Variants in INPP5B observed in about 807,000 individuals in gnomAD.
INPP5B encodes inositol polyphosphate-5-phosphatase B.
INPP5B carries 90 observed loss-of-function variants against 118.5 expected under a neutral mutation model. The observed-to-expected ratio is 0.76, with a 90% CI of 0.64 to 0.90. The LOEUF (loss-of-function observed/expected upper bound fraction) is 0.90. Among genes scored for constraint, INPP5B ranks in the 40% least tolerant of loss-of-function variants. The pLI is 0.00. For synonymous variants in INPP5B, 385 were observed against 418.9 expected (o/e 0.92, Z 0.99); for missense variants, 984 against 1,125.6 (o/e 0.87, Z 1.80).
At chr1:37,895,973 C>T (rs1194960089) in intron 7 of INPP5B, among the ~76,000 whole-genome samples, 1 of 150,856 alleles carries the variant, frequency 6.6e-6, no homozygotes, top group Non-Finnish European at 1.5e-5. Context: ...CCTGGCCGCC[C>T]ATCGTCTGGG....
intron 20 of INPP5B, among the ~76,000 whole-genome samples, chr1:37,868,012 C>A (rs561902618): frequency 2.6e-4 from 39 of 152,270 alleles, no homozygotes; most frequent in African/African-American, 9.4e-4. Flanking sequence ...AACGCTGCTT[C>A]CCTTGGGGGT....
At chr1:37,906,541 G>A (rs1644506438) in intron 7 of INPP5B, among the ~76,000 whole-genome samples, 1 of 151,932 alleles carries the variant, frequency 6.6e-6, no homozygotes, top group South Asian at 2.1e-4. Context: ...ACTGGAGAGA[G>A]GAAAAAAATA....
intron 7 of INPP5B, among the ~76,000 whole-genome samples, chr1:37,920,596 C>T (rs764136243): frequency 2.6e-5 from 4 of 151,168 alleles, no homozygotes; most frequent in African/African-American, 9.7e-5. Context: ...ACCCAGGAGG[C>T]GGAGGTTGCA....
At chr1:37,882,118 TAGAA>T (rs1643240516) in intron 14 of INPP5B, among the ~76,000 whole-genome samples, 1 of 148,396 alleles carries the variant, frequency 6.7e-6, no homozygotes, top group Non-Finnish European at 1.5e-5. Flanking sequence ...AAAAAGATAA[TAGAA>T]AGATTTAGAC....
chr1:37,930,981 A>G (rs1276697990), intron 7 of INPP5B: 1 of 153,646 alleles, frequency 6.5e-6, no homozygotes, highest in Non-Finnish European at 1.4e-5. Context: ...GAGCTGGACA[A>G]AAAAAGACAG....
At chr1:37,913,489 G>C (rs1644769262) in intron 7 of INPP5B, among the ~76,000 whole-genome samples, 1 of 151,916 alleles carries the variant, frequency 6.6e-6, no homozygotes, top group Non-Finnish European at 1.5e-5. Flanking sequence ...TCTCTTATTA[G>C]GACCTTGTGT....
intron 14 of INPP5B, among the ~76,000 whole-genome samples, chr1:37,882,112 A>G (rs574876613): frequency 3.4e-4 from 52 of 152,064 alleles, no homozygotes; most frequent in African/African-American, 1.2e-3. Context: ...AAAAAAAAAA[A>G]GATAATAGAA....
chr1:37,890,734 A>C (rs1372770904), intron 8 of INPP5B, among the ~76,000 whole-genome samples: 1 of 152,172 alleles, frequency 6.6e-6, no homozygotes, highest in African/African-American at 2.4e-5. Flanking sequence ...TTTTCAAGGG[A>C]GGGCTAGACT....
intron 21 of INPP5B, 135 bp from the exon 22 acceptor site, chr1:37,866,023 C>G: frequency 7.2e-7 from 1 of 1,391,004 alleles, no homozygotes. Flanking sequence ...AGCCTAACTT[C>G]TCGAAGGGAC....
At chr1:37,936,813 C>T (rs943066516) in intron 6 of INPP5B, among the ~76,000 whole-genome samples, 11 of 151,314 alleles carry the variant, frequency 7.3e-5, no homozygotes, top group South Asian at 4.2e-4. Flanking sequence ...GTGATCCACC[C>T]GTCTAGGCCT....
intron 19 of INPP5B, chr1:37,869,970 A>C (rs1180907801): frequency 6.6e-6 from 1 of 152,176 alleles, no homozygotes; most frequent in Non-Finnish European, 1.5e-5. Flanking sequence ...AATTGTCTCC[A>C]TAGGAATCTT....
At chr1:37,889,911 T>C (rs778925995) in intron 8 of INPP5B, among the ~76,000 whole-genome samples, 187 bp from the exon 9 acceptor site, 15 of 152,190 alleles carry the variant, frequency 9.9e-5, no homozygotes, top group Non-Finnish European at 1.6e-4. Context: ...ATTTTGTTGA[T>C]TGTATAATAT....
chr1:37,946,381 A>G (rs1646113359), intron 1 of INPP5B, 47 bp from the exon 2 acceptor site: 3 of 1,316,754 alleles, frequency 2.3e-6, no homozygotes, highest in Admixed American at 2.0e-5. Flanking sequence ...CAAGTTACGC[A>G]TGGGGTGGTG....
In INPP5B at chr1:37,933,155, A is replaced by G. The variant is rs188883068; in HGVS notation, c.392-1102T>C. ...AAGTTGTCTTCAGCATTTACATACT[A>G]TTAACCCATACTTGGCCTCGTCTGA... On this transcript the variant is annotated intron_variant, in intron 6 of 23. Transcript: ENST00000373024. 5.4e-4 allele frequency among the ~76,000 whole-genome samples: 82 copies of G among 152,344 alleles called. No individual in the cohort carries two copies. The Middle Eastern group carries it at 0.01, about 19-fold the overall frequency.
intron 16 of INPP5B, 101 bp from the exon 17 acceptor site, chr1:37,875,817 C>T: frequency 1.3e-6 from 1 of 749,372 alleles, no homozygotes; most frequent in African/African-American, 1.7e-5. Context: ...CAGTTGATAG[C>T]AACACAGAAA....
At chr1:37,942,646 C>A (rs543115398) in intron 5 of INPP5B, among the ~76,000 whole-genome samples, 16 of 151,904 alleles carry the variant, frequency 1.1e-4, no homozygotes, top group African/African-American at 3.9e-4. Flanking sequence ...TGGTGGCTCA[C>A]GCCTATAATC....
At chr1:37,889,830 A>T (rs996004378) in intron 8 of INPP5B, 106 bp from the exon 9 acceptor site, 5 of 770,184 alleles carry the variant, frequency 6.5e-6, no homozygotes, top group Non-Finnish European at 1.0e-5. Flanking sequence ...GTCACAGAAG[A>T]CTAAAGGAGG....
chr1:37,865,898 C>T lies in INPP5B; in HGVS notation c.2387-10G>A. On this transcript the variant is annotated splice_polypyrimidine_tract_variant and intron_variant, in intron 21 of 23. Transcript: ENST00000373024. ...GAATGATTGCTGGCAGCTTTTGGCC[C>T]CATTGTTAAGGAACCGATAATGCTG... 3.1e-6 allele frequency: 5 copies of T among 1,611,682 alleles called. No individual in the cohort carries two copies. The highest frequency in any genetic ancestry group is 4.2e-6 in the Non-Finnish European group (5 of 1,178,606).
Position 37,946,319 on chromosome 1 carries a change from G to A in INPP5B, c.-11C>T, listed in dbSNP as rs953741412. On this transcript the variant is annotated 5_prime_UTR_variant, in exon 2 of 24. Transcript: ENST00000373024. The stretch of plus-strand genomic sequence containing the variant: ...CACAGACTGGTCCATGCTGGCCCCT[G>A]CTGAGCGCACACACCCTGTGGGAGG... 6.2e-7 allele frequency: 1 copy of A among 1,610,030 alleles called. No individual in the cohort carries two copies. Among genetic ancestry groups the A allele is most frequent in the Non-Finnish European group, 8.5e-7 (1 of 1,178,266 alleles).
Sources: allele counts gnomAD v4.1 joint callset (sites outside exome capture counted in the v4.1 genomes callset), GRCh38; gene constraint gnomAD v4.1.1; transcripts MANE v1.5; gene names NCBI Gene and HGNC (gene_info 2026-07-23, HGNC 2026-07-21).